Variants in SUPT3H observed in about 807,000 individuals in gnomAD.
SUPT3H encodes SPT3 homolog, SAGA and STAGA complex component.
SUPT3H carries 44 observed loss-of-function variants against 44.3 expected under a neutral mutation model. That is an observed-to-expected ratio of 0.99 (90% confidence interval 0.78 to 1.28). The LOEUF is 1.28. Ranked by LOEUF, SUPT3H falls within the 50% of genes most tolerant of loss-of-function variation. SUPT3H has a pLI of 0.00. For missense variants in SUPT3H, 380 were observed against 387.1 expected, an observed-to-expected ratio of 0.98 and a Z score of 0.15; for synonymous variants, 124 against 125.6, an observed-to-expected ratio of 0.99 and a Z score of 0.09.
intron 2 of SUPT3H, among the ~76,000 whole-genome samples, chr6:45,299,948 A>AAT (rs10563494): frequency 0.15 from 22,204 of 150,720 alleles, 1,846 homozygotes; most frequent in East Asian, 0.26. Flanking sequence ...TATATATGTG[A>AAT]ATATATATAT....
intron 2 of SUPT3H, among the ~76,000 whole-genome samples, chr6:45,265,525 C>T (rs1466148047): frequency 2.0e-5 from 3 of 152,064 alleles, no homozygotes; most frequent in Non-Finnish European, 2.9e-5. Context: ...GCAATCACAA[C>T]CTTGAGCTAA....
At chr6:44,849,807 G>A (rs867681677) in intron 10 of SUPT3H, among the ~76,000 whole-genome samples, 1 of 152,198 alleles carries the variant, frequency 6.6e-6, no homozygotes, top group Admixed American at 6.5e-5. Flanking sequence ...ATAAAGGATA[G>A]CTATTCCAGC....
chr6:45,200,358 G>T (rs927716660), intron 2 of SUPT3H, among the ~76,000 whole-genome samples: 3 of 151,208 alleles, frequency 2.0e-5, no homozygotes, highest in Non-Finnish European at 4.4e-5. Flanking sequence ...AAGTTAAATT[G>T]TTCAATGTTG....
intron 2 of SUPT3H, among the ~76,000 whole-genome samples, chr6:45,158,269 A>AAT (rs1808224929): frequency 3.0e-5 from 3 of 101,192 alleles, no homozygotes; most frequent in Admixed American, 1.1e-4. Flanking sequence ...TATATATATA[A>AAT]ATATACATAT....
intron 2 of SUPT3H, among the ~76,000 whole-genome samples, chr6:45,207,516 G>T (rs1235749646): frequency 6.6e-6 from 1 of 152,150 alleles, no homozygotes; most frequent in Non-Finnish European, 1.5e-5. Flanking sequence ...TCTAGATGTT[G>T]TGTTTGTTGT....
chr6:45,270,305 A>T (rs1775913184), intron 2 of SUPT3H, among the ~76,000 whole-genome samples: 1 of 152,116 alleles, frequency 6.6e-6, no homozygotes, highest in Admixed American at 6.6e-5. Flanking sequence ...TATTAAAAAA[A>T]AAAGTGGTTG....
At chr6:45,085,906 C>A (rs908588790) in intron 3 of SUPT3H, among the ~76,000 whole-genome samples, 1 of 151,988 alleles carries the variant, frequency 6.6e-6, no homozygotes, top group Non-Finnish European at 1.5e-5. Context: ...ATAAAAAACA[C>A]AAGTATATTA....
intron 2 of SUPT3H, among the ~76,000 whole-genome samples, chr6:45,212,871 G>C (rs1369694988): frequency 3.9e-5 from 6 of 152,036 alleles, no homozygotes; most frequent in African/African-American, 9.7e-5. Context: ...CCCCACCATG[G>C]ATGGATGCAT....
intron 3 of SUPT3H, among the ~76,000 whole-genome samples, chr6:45,089,418 T>C (rs1272363915): frequency 2.0e-5 from 3 of 152,028 alleles, no homozygotes; most frequent in Non-Finnish European, 4.4e-5. Context: ...CCAGGCCTCT[T>C]TGTAGGCAAA....
chr6:45,050,836 G>A (rs1790162630), intron 3 of SUPT3H, among the ~76,000 whole-genome samples: 1 of 150,706 alleles, frequency 6.6e-6, no homozygotes, highest in Non-Finnish European at 1.5e-5. Context: ...TAATGCAGGA[G>A]AGAAAAGTGC....
intron 2 of SUPT3H, among the ~76,000 whole-genome samples, chr6:45,299,167 G>T (rs1460654834): frequency 1.3e-5 from 2 of 150,856 alleles, no homozygotes; most frequent in Non-Finnish European, 3.0e-5. Context: ...CCAACATGGT[G>T]ACACCCCATC....
intron 3 of SUPT3H, among the ~76,000 whole-genome samples, chr6:45,057,703 T>A (rs1791347596): frequency 6.6e-6 from 1 of 152,110 alleles, no homozygotes; most frequent in South Asian, 2.1e-4. Flanking sequence ...CCACATATTT[T>A]GCAGGGCCTG....
chr6:45,183,387 GCATAAGTAATGTA>G (rs1479843051), intron 2 of SUPT3H, among the ~76,000 whole-genome samples: 2 of 152,248 alleles, frequency 1.3e-5, no homozygotes, highest in South Asian at 4.2e-4. Flanking sequence ...TCTTCACGAT[GCATAAGTAATGTA>G]CATAAGTAAC....
At chr6:44,957,556 T>C (rs12210292) in intron 7 of SUPT3H, among the ~76,000 whole-genome samples, 25,365 of 151,968 alleles carry the variant, frequency 0.17, 2,744 homozygotes, top group Non-Finnish European at 0.25. Context: ...GAAACAGATA[T>C]TTTGTGACTG....
At chr6:44,846,188 T>C (rs762257350) in intron 10 of SUPT3H, among the ~76,000 whole-genome samples, 15 of 152,306 alleles carry the variant, frequency 9.8e-5, no homozygotes, top group Non-Finnish European at 1.9e-4. Context: ...TTCAGTACCA[T>C]CCCTGATCCT....
At chr6:44,934,479 A>G in intron 9 of SUPT3H, among the ~76,000 whole-genome samples, 1 of 152,198 alleles carries the variant, frequency 6.6e-6, no homozygotes, top group East Asian at 1.9e-4. Flanking sequence ...TATATGAAAC[A>G]CTGATCAAAA....
intron 3 of SUPT3H, among the ~76,000 whole-genome samples, chr6:45,079,123 T>G (rs957718710): frequency 1.3e-5 from 2 of 151,984 alleles, no homozygotes; most frequent in Admixed American, 1.3e-4. Flanking sequence ...ATCTGGCTAA[T>G]ATAGTGAAAC....
intron 9 of SUPT3H, among the ~76,000 whole-genome samples, chr6:44,933,049 TAA>T (rs528775618): frequency 2.6e-5 from 4 of 152,106 alleles, no homozygotes; most frequent in African/African-American, 9.7e-5. Flanking sequence ...TGCCTGCAGA[TAA>T]AAAGTGTCAT....
chr6:44,867,075 T>C (rs1401898947), intron 10 of SUPT3H, among the ~76,000 whole-genome samples: 3 of 152,148 alleles, frequency 2.0e-5, no homozygotes, highest in Admixed American at 1.3e-4. Flanking sequence ...AAACAGCCAC[T>C]ATGATTACTG....
Sources: gnomAD v4.1 joint callset for allele counts (sites outside exome capture counted in the v4.1 genomes callset) on GRCh38, gnomAD v4.1.1 for gene constraint, MANE v1.5 for transcripts, NCBI Gene and HGNC (gene_info 2026-07-23, HGNC 2026-07-21) for gene names.